Variants in LRP4 observed in about 807,000 individuals in gnomAD.
LRP4 encodes low-density lipoprotein receptor-related protein 4.
LRP4 carries 95 observed loss-of-function variants against 220.3 expected under a neutral mutation model. The ratio of observed to expected loss-of-function variants is 0.43; its 90% CI spans 0.37 to 0.51. The LOEUF (loss-of-function observed/expected upper bound fraction) is 0.51. LRP4 is among the 20% of genes least tolerant of loss of function. LRP4 has a pLI of 0.00. For missense variants in LRP4, 1,925 were observed against 2,567.0 expected (o/e 0.75, Z 5.40); for synonymous variants, 903 against 954.6 (o/e 0.95, Z 1.00).
intron 1 of LRP4, among the ~76,000 whole-genome samples, chr11:46,909,611 C>CA (rs71042636): frequency 0.2 from 9,061 of 46,028 alleles, 3,156 homozygotes; most frequent in East Asian, 0.71. Context: ...GACTCCGTCT[C>CA]AAAAAAAAAA....
rs1941692818 is a variant in LRP4, at chr11:46,902,836, C to G, written c.146G>C (p.Trp49Ser). ...LGECTCIPAQ[W>S]QCDGDNDCGD... ...GCAGTCATTGTCTCCATCACACTGC[C>G]ACTGGGCAGGGATGCAGGTACACTC... Residue 49 changes from tryptophan to serine, a missense_variant, in exon 2 of 38, where the codon TGG becomes TCG. By Grantham distance (177) the Trp-to-Ser change is radical (BLOSUM62 -3). Around this residue, in one of 3 missense-constraint regions of LRP4, gnomAD observed 412 missense variants for 505.4 expected, o/e 0.82. Coordinates refer to ENST00000378623, the MANE Select transcript of LRP4 (RefSeq NM_002334.4). 1 of 1,614,014 alleles carries G rather than the reference C, an allele frequency of 6.2e-7. No individual in the cohort carries two copies. Among genetic ancestry groups the G allele is most frequent in the Non-Finnish European group, 8.5e-7 (1 of 1,180,044 alleles).
At chr11:46,886,050 A>T (rs780257143) in intron 18 of LRP4, 41 bp downstream of exon 18, 1 of 1,545,652 alleles carries the variant, frequency 6.5e-7, no homozygotes, top group South Asian at 1.1e-5. Flanking sequence ...AACAAGAGGA[A>T]TCCCAGGGAG....
chr11:46,872,639 G>C (rs979244838), intron 30 of LRP4, among the ~76,000 whole-genome samples: 1 of 152,164 alleles, frequency 6.6e-6, no homozygotes, highest in African/African-American at 2.4e-5. Flanking sequence ...TGCTACTTGA[G>C]AGGCTGAGGT....
intron 1 of LRP4, among the ~76,000 whole-genome samples, chr11:46,911,724 A>G (rs1056207574): frequency 6.6e-6 from 1 of 152,056 alleles, no homozygotes; most frequent in Non-Finnish European, 1.5e-5. Flanking sequence ...AAGATGAAAT[A>G]TAGACCTTCC....
chr11:46,875,717 G>A lies in LRP4; in HGVS notation c.3700-36C>T. 6.2e-6 allele frequency: 10 copies of A among 1,612,228 alleles called. No individual in the cohort carries two copies. The highest frequency in any genetic ancestry group is 8.5e-6 in the Non-Finnish European group (10 of 1,178,370). ...AGGAGAGGGTGGGGGGTGGTGATCA[G>A]CAGATTGGGAACTCTCCATGGAGAT... On this transcript the variant is annotated intron_variant, in intron 26 of 37. Transcript: ENST00000378623. This position sits in a 1 kb window ranked among gnomAD's most constrained non-coding sequence, Gnocchi z 4.5.
Position 46,869,114 on chromosome 11 carries a change from A to G in LRP4, c.4711T>C (p.Trp1571Arg). ...ATTGACTTGGTCTGCCAGTCTGTCCAGTAGATCCACCTGTCTTGCTACTCA... is the reference window on the plus strand; with the variant it reads ...ATTGACTTGGTCTGCCAGTCTGTCCGGTAGATCCACCTGTCTTGCTACTCA... Reference protein sequence around the residue: ...ALTQQDRWIYWTDWQTKSIQR... With the variant: ...ALTQQDRWIYRTDWQTKSIQR... The change falls in exon 32 of 38, where the codon TGG becomes CGG. Residue 1571 changes from tryptophan (W) to arginine (R), a missense_variant. Physicochemically the swap from Trp to Arg is moderately radical, Grantham distance 101 (BLOSUM62 -3). Transcript: ENST00000378623. 3.7e-6 allele frequency: 6 copies of G among 1,614,188 alleles called. No individual in the cohort carries two copies. The highest frequency in any genetic ancestry group is 4.2e-6 in the Non-Finnish European group (5 of 1,180,022).
rs746117807 is a variant in LRP4 at position 46,889,458 on chromosome 11, G to A, written c.2168C>T (p.Ala723Val). 1 of 1,614,114 alleles carries A rather than the reference G, an allele frequency of 6.2e-7. No homozygotes were observed. Among genetic ancestry groups the A allele is most frequent in the South Asian group, 1.1e-5 (1 of 91,084 alleles). ...CLPSGQNYTC[A>V]CPTGFRKISS... ...GATCTTGCGGAAGCCAGTGGGGCAG[G>A]CACAGGTGTAGTTCTGGCCACTGGG... Residue 723 changes from alanine (A) to valine (V), a missense_variant, in exon 16 of 38, where the codon GCC (alanine) becomes GTC (valine). Ala to Val is a moderately conservative substitution (Grantham distance 64). Coordinates refer to ENST00000378623, the MANE Select transcript of LRP4 (RefSeq NM_002334.4).
In LRP4 at chr11:46,892,648, T is replaced by A. The variant is rs138884372; in HGVS notation, c.1697+325A>T. On this transcript the variant is annotated intron_variant, in intron 13 of 37. Coordinates refer to ENST00000378623, the MANE Select transcript of LRP4 (RefSeq NM_002334.4). ...GTGCAGTGGCGCAATCTCAGCTCACTGTAACCTGTGCCTCCTGGGTTCAAA... is the reference window on the plus strand; with the variant it reads ...GTGCAGTGGCGCAATCTCAGCTCACAGTAACCTGTGCCTCCTGGGTTCAAA... Among the ~76,000 whole-genome samples the A allele has an allele frequency of 2.0e-5, 3 of 151,442 alleles. No individual in the cohort carries two copies. The South Asian group carries it at 6.2e-4, about 32-fold the overall frequency.
In LRP4 at chr11:46,892,995, T is replaced by C. The variant is rs765412419; in HGVS notation, c.1675A>G (p.Ile559Val). The C allele has an allele frequency of 6.2e-7, 1 of 1,613,788 alleles. No homozygotes were observed. The highest frequency in any genetic ancestry group is 8.5e-7 in the Non-Finnish European group (1 of 1,179,994). The change falls in exon 13 of 38, where the codon ATT (isoleucine) becomes GTT (valine). Residue 559 changes from isoleucine (I) to valine (V), a missense_variant. Ile to Val is a conservative substitution (Grantham distance 29, BLOSUM62 3). Coordinates refer to ENST00000378623, the MANE Select transcript of LRP4 (RefSeq NM_002334.4). ...TACCCCTCCATGGGATGCAAGGCAA[T>C]GGCCCGGGGCTTCTCCAGGTTCTGC... ...LWQNLEKPRA[I>V]ALHPMEGTIY...
rs761341366 is a variant in LRP4 at position 46,894,787 on chromosome 11, T to C, written c.1342A>G (p.Ile448Val). The C allele has an allele frequency of 7.2e-5, 116 of 1,614,102 alleles. 1 individual carries two copies. Among genetic ancestry groups the C allele is most frequent in the Non-Finnish European group, 9.3e-5 (110 of 1,180,048 alleles). ...PEPVLLFANR[I>V]DIRQVLPHRS... ...TGTGGCAGCACCTGCCGGATGTCGA[T>C]GCGATTGGCGAACAGCAGCACAGGC... Residue 448 changes from isoleucine (I) to valine (V), a missense_variant, in exon 12 of 38, where the codon ATC becomes GTC. Physicochemically the swap from Ile to Val is conservative, Grantham distance 29. This residue lies in a region of LRP4 where 269 missense variants were observed against 436.7 expected (regional missense o/e 0.62). Transcript: ENST00000378623.
rs779079160 is a variant in LRP4, at chr11:46,859,047, C to T, written c.5654G>A (p.Arg1885Gln). 18 of 1,613,994 alleles carry T rather than the reference C, an allele frequency of 1.1e-5. No homozygotes were observed. Among genetic ancestry groups the T allele is most frequent in the African/African-American group, 4.0e-5 (3 of 74,890 alleles). The change falls in exon 38 of 38, where the codon CGA (arginine) becomes CAA (glutamine). Residue 1885 changes from arginine (R) to glutamine (Q), a missense_variant. Arg to Gln is a conservative substitution (Grantham distance 43, BLOSUM62 1). This residue lies in a region of LRP4 where 1,244 missense variants were observed against 1,624.9 expected (regional missense o/e 0.77). Transcript: ENST00000378623. ...SVHTAATPERRGSLPDTGWKH... is the reference protein window; with the variant it reads ...SVHTAATPERQGSLPDTGWKH... Reference sequence around the variant, plus strand: ...CCAGCCCGTGTCTGGCAGAGAGCCTCGTCTTTCTGGAGTGGCTGCAGTATG... The same window carrying T: ...CCAGCCCGTGTCTGGCAGAGAGCCTTGTCTTTCTGGAGTGGCTGCAGTATG...
chr11:46,905,894 A>G lies in LRP4; in HGVS notation c.53-2965T>C, dbSNP rs939580445. 8.7e-5 allele frequency among the ~76,000 whole-genome samples: 13 copies of G among 150,014 alleles called. 1 individual carries two copies. Among genetic ancestry groups the G allele is most frequent in the Middle Eastern group, 7.1e-3 (2 of 280 alleles). On this transcript the variant is annotated intron_variant, in intron 1 of 37. Transcript: ENST00000378623. The stretch of plus-strand genomic sequence containing the variant: ...ATCTATAACATGCAGACAGGCCCCT[A>G]TGACAAAGAATTATCTGGCCCAAAA...
intron 1 of LRP4, among the ~76,000 whole-genome samples, chr11:46,903,624 C>T (rs1941709589): frequency 6.6e-6 from 1 of 152,200 alleles, no homozygotes; most frequent in African/African-American, 2.4e-5. Context: ...CTCACTAAAA[C>T]TAGGTTGAGA....
intron 20 of LRP4, among the ~76,000 whole-genome samples, chr11:46,880,527 C>T (rs539325721): frequency 3.3e-5 from 5 of 152,148 alleles, no homozygotes; most frequent in Non-Finnish European, 7.4e-5. Flanking sequence ...GTCCCAGCTA[C>T]GTGGGAGGAT....
chr11:46,873,100 C>T lies in LRP4; in HGVS notation c.4583G>A (p.Arg1528Lys). The T allele has an allele frequency of 6.2e-7, 1 of 1,614,198 alleles. No homozygotes were observed. The highest frequency in any genetic ancestry group is 8.5e-7 in the Non-Finnish European group (1 of 1,180,046). Residue 1528 changes from arginine (R) to lysine (K), a missense_variant and splice_region_variant, in exon 30 of 38, where the codon AGG (arginine) becomes AAG (lysine). Around this residue, in one of 3 missense-constraint regions of LRP4, gnomAD observed 1,244 missense variants for 1,624.9 expected, o/e 0.77. Transcript: ENST00000378623. The surrounding 1 kb of genome is among the most constrained non-coding windows in gnomAD (Gnocchi z 4.2). ...NGLTLDYDTR[R>K]IYWVDAHLDR... ...AGGCTGTTTGATGCAAGACTCCCAC[C>T]TGCGGGTATCATAGTCCAGGGTAAG...
At chr11:46,882,102 C>A (rs962333391) in intron 19 of LRP4, among the ~76,000 whole-genome samples, 199 bp from the exon 20 acceptor site, 2 of 152,130 alleles carry the variant, frequency 1.3e-5, no homozygotes, top group African/African-American at 4.8e-5. Flanking sequence ...GGTACAGAGT[C>A]TTAATAAAAG....
Position 46,881,685 on chromosome 11 carries a change from C to T in LRP4, c.2814+17G>A. On this transcript the variant is annotated intron_variant, in intron 20 of 37. Transcript: ENST00000378623. ...GTTTTAGTGCCACCCTTACCTTCCT[C>T]TTACTGCCACCCTTACCTTCCTCTT... 6 of 1,606,946 alleles carry T rather than the reference C, an allele frequency of 3.7e-6. No homozygotes were observed. The East Asian group carries it at 1.3e-4, about 36-fold the overall frequency.
intron 2 of LRP4, among the ~76,000 whole-genome samples, chr11:46,902,024 C>T (rs965245583): frequency 1.3e-5 from 2 of 151,334 alleles, no homozygotes; most frequent in African/African-American, 2.4e-5. Context: ...TGAGCCACTG[C>T]GCCCGGCCTA....
intron 30 of LRP4, among the ~76,000 whole-genome samples, chr11:46,872,668 A>T (rs1473566346): frequency 6.6e-6 from 1 of 151,962 alleles, no homozygotes; most frequent in Non-Finnish European, 1.5e-5. Context: ...GGCTTGAGCC[A>T]GGGAGGTTCA....
Sources: allele counts gnomAD v4.1 joint callset (sites outside exome capture counted in the v4.1 genomes callset), GRCh38; gene constraint gnomAD v4.1.1; regional missense constraint gnomAD v4.1.1; non-coding constraint Gnocchi (gnomAD v3.1); transcripts MANE v1.5; gene names NCBI Gene and HGNC (gene_info 2026-07-23, HGNC 2026-07-21).